ENOX1: variants seen among roughly 807,000 people sequenced by gnomAD.
ENOX1 encodes candidate growth-related and time keeping constitutive hydroquinone (NADH) oxidase.
In ENOX1, 42 loss-of-function variants were observed where a neutral mutation model predicts 82.5. The observed-to-expected ratio is 0.51, with a 90% CI of 0.40 to 0.66. The LOEUF is 0.66. ENOX1 is among the 30% of genes least tolerant of loss of function. ENOX1 has a pLI of 0.00. For synonymous variants in ENOX1, 271 were observed against 282.2 expected, an observed-to-expected ratio of 0.96 and a Z score of 0.40; for missense variants, 608 against 811.6, an observed-to-expected ratio of 0.75 and a Z score of 3.05.
Position 43,359,944 on chromosome 13 carries a change from C to T in ENOX1, c.496G>A (p.Gly166Ser), listed in dbSNP as rs1299385078. 6.2e-6 allele frequency: 10 copies of T among 1,614,142 alleles called. No homozygotes were observed. The highest frequency in any genetic ancestry group is 2.2e-5 in the East Asian group (1 of 44,892). ...CTTTTCCGAATTGCTGTAATATCAC[C>T]GCACTGTTCAAAGACTTCTTGAATA... Reference protein sequence around the residue: ...EIIQEVFEQCGDITAIRKSKK... With the variant: ...EIIQEVFEQCSDITAIRKSKK... The change falls in exon 7 of 17, where the codon GGT (glycine) becomes AGT (serine). Residue 166 changes from glycine (G) to serine (S), a missense_variant. Gly to Ser is a moderately conservative substitution (Grantham distance 56). Coordinates refer to ENST00000690772, the MANE Select transcript of ENOX1 (RefSeq NM_001347969.2).
intron 2 of ENOX1, among the ~76,000 whole-genome samples, chr13:43,537,924 T>A (rs560795844): frequency 6.6e-6 from 1 of 152,308 alleles, no homozygotes; most frequent in Admixed American, 6.5e-5. Context: ...CAAACATACC[T>A]GGAGGCAGAA....
rs539211321 is a variant in ENOX1, at chr13:43,340,972, T to G, written c.1036+3566A>C. Among the ~76,000 whole-genome samples, 3 of 152,282 alleles carry G rather than the reference T, an allele frequency of 2.0e-5. No homozygotes were observed. The East Asian group carries it at 5.8e-4, about 29-fold the overall frequency. On this transcript the variant is annotated intron_variant, in intron 9 of 16. Coordinates refer to ENST00000690772, the MANE Select transcript of ENOX1 (RefSeq NM_001347969.2). Reference sequence around the variant, plus strand: ...AGCAGACATATCATGAAATCACTACTCATTTGGATAAGTGTTACAAAGGAC... The same window carrying G: ...AGCAGACATATCATGAAATCACTACGCATTTGGATAAGTGTTACAAAGGAC...
chr13:43,757,747 T>C (rs1204606451), intron 1 of ENOX1, among the ~76,000 whole-genome samples: 1 of 152,216 alleles, frequency 6.6e-6, no homozygotes, highest in Non-Finnish European at 1.5e-5. Context: ...GAAAGCATTT[T>C]AAAAGTTTCT....
At chr13:43,409,979 A>G (rs1223386810) in intron 5 of ENOX1, among the ~76,000 whole-genome samples, 1 of 152,188 alleles carries the variant, frequency 6.6e-6, no homozygotes. Flanking sequence ...AGGCTCAAAA[A>G]CAGTTTAAGC....
intron 1 of ENOX1, among the ~76,000 whole-genome samples, chr13:43,783,431 AAGGAG>A: frequency 6.6e-6 from 1 of 152,292 alleles, no homozygotes; most frequent in East Asian, 1.9e-4. Context: ...AAGAATAATC[AAGGAG>A]AGAAATGAGG....
intron 2 of ENOX1, among the ~76,000 whole-genome samples, chr13:43,608,096 C>T (rs1404559826): frequency 6.6e-6 from 1 of 152,174 alleles, no homozygotes. Flanking sequence ...CTGAAAAATA[C>T]TTTAGAAACA....
chr13:43,667,599 G>T, intron 1 of ENOX1, 55 bp from the exon 2 acceptor site: 1 of 579,246 alleles, frequency 1.7e-6, no homozygotes, highest in Non-Finnish European at 2.2e-6. Context: ...ATTTCAGAGA[G>T]CTGACTGAAC....
intron 3 of ENOX1, among the ~76,000 whole-genome samples, chr13:43,437,904 A>G (rs2056128332): frequency 6.6e-6 from 1 of 152,214 alleles, no homozygotes; most frequent in Non-Finnish European, 1.5e-5. Context: ...AAGAAAAAAC[A>G]ATTAACTTTG....
intron 3 of ENOX1, among the ~76,000 whole-genome samples, chr13:43,450,633 T>C (rs1431456646): frequency 6.6e-6 from 1 of 151,968 alleles, no homozygotes; most frequent in African/African-American, 2.4e-5. Context: ...GCAGGCTCTG[T>C]GGTATAGGGA....
At chr13:43,375,956 C>T (rs895459526) in intron 5 of ENOX1, among the ~76,000 whole-genome samples, 1 of 152,144 alleles carries the variant, frequency 6.6e-6, no homozygotes, top group Non-Finnish European at 1.5e-5. Flanking sequence ...AAAGTGCACA[C>T]GTTGTGGAAG....
intron 2 of ENOX1, among the ~76,000 whole-genome samples, chr13:43,532,603 G>A (rs2078278633): frequency 6.6e-6 from 1 of 152,046 alleles, no homozygotes; most frequent in Admixed American, 6.6e-5. Context: ...GTTATCTGAA[G>A]AAATTATTAA....
At chr13:43,696,850 A>G (rs904486701) in intron 1 of ENOX1, among the ~76,000 whole-genome samples, 10 of 151,032 alleles carry the variant, frequency 6.6e-5, no homozygotes, top group Non-Finnish European at 1.0e-4. Flanking sequence ...CATATCAGAG[A>G]AGATGGTTTT....
At chr13:43,375,215 A>G (rs1348452545) in intron 5 of ENOX1, among the ~76,000 whole-genome samples, 9 of 150,836 alleles carry the variant, frequency 6.0e-5, no homozygotes, top group Admixed American at 4.6e-4. Context: ...ACAAGTATAC[A>G]GAAGTGTGAC....
At chr13:43,763,091 T>C (rs1293603211) in intron 1 of ENOX1, among the ~76,000 whole-genome samples, 1 of 152,242 alleles carries the variant, frequency 6.6e-6, no homozygotes, top group Non-Finnish European at 1.5e-5. Context: ...ACCTTCTTAC[T>C]TTTCATCCGA....
At chr13:43,312,070 C>T (rs1449417541) in intron 11 of ENOX1, among the ~76,000 whole-genome samples, 1 of 152,040 alleles carries the variant, frequency 6.6e-6, no homozygotes, top group Non-Finnish European at 1.5e-5. Context: ...CTTGTAATCA[C>T]AAAAAAATCA....
chr13:43,615,833 A>T (rs1023936977), intron 2 of ENOX1, among the ~76,000 whole-genome samples: 1 of 151,534 alleles, frequency 6.6e-6, no homozygotes, highest in African/African-American at 2.4e-5. Flanking sequence ...ATGAGTGAGG[A>T]CATGCGGTGT....
intron 2 of ENOX1, among the ~76,000 whole-genome samples, chr13:43,587,289 T>C (rs191565286): frequency 6.8e-4 from 103 of 152,320 alleles, no homozygotes; most frequent in African/African-American, 2.3e-3. Flanking sequence ...TCAGCATAGA[T>C]AAGTTTTTTA....
At chr13:43,555,262 A>G (rs889966718) in intron 2 of ENOX1, among the ~76,000 whole-genome samples, 48 of 152,246 alleles carry the variant, frequency 3.2e-4, no homozygotes, top group Admixed American at 3.1e-3. Flanking sequence ...CACAAAGACA[A>G]CTAGCATCAG....
intron 5 of ENOX1, among the ~76,000 whole-genome samples, chr13:43,410,190 A>G (rs2054038564): frequency 6.6e-6 from 1 of 152,252 alleles, no homozygotes; most frequent in Admixed American, 6.5e-5. Context: ...AAGTCGTACT[A>G]CATTTTCTGA....
Sources: allele counts gnomAD v4.1 joint callset (sites outside exome capture counted in the v4.1 genomes callset), GRCh38; gene constraint gnomAD v4.1.1; transcripts MANE v1.5; gene names NCBI Gene and HGNC (gene_info 2026-07-23, HGNC 2026-07-21).